The following ARHGEF11 variants were observed in gnomAD, a reference collection of about 807,000 sequenced individuals.
ARHGEF11 encodes Rho guanine exchange factor (GEF) 11.
In ARHGEF11, 55 loss-of-function variants were observed where a neutral mutation model predicts 193.7. The observed-to-expected ratio is 0.28, with a 90% CI of 0.23 to 0.36. The LOEUF is 0.36. ARHGEF11 is among the 10% of genes least tolerant of loss of function. The probability of loss-of-function intolerance (pLI) is 1.00; values close to 1 mark genes in which losing one functional copy is unlikely to be tolerated. For missense variants in ARHGEF11, 1,723 were observed against 2,005.6 expected (o/e 0.86, Z 2.69); for synonymous variants, 693 against 768.0 (o/e 0.90, Z 1.62).
intron 14 of ARHGEF11, 65 bp from the exon 15 acceptor site, chr1:156,960,525 G>T: frequency 6.6e-7 from 1 of 1,523,910 alleles, no homozygotes; most frequent in Non-Finnish European, 9.1e-7. Context: ...TGAGCAGTGT[G>T]CAAGGCGAGG....
chr1:156,937,594 G>C (rs1655749817), intron 38 of ARHGEF11, 98 bp from the exon 39 acceptor site: 1 of 1,330,626 alleles, frequency 7.5e-7, no homozygotes, highest in African/African-American at 1.5e-5. Flanking sequence ...GACAGAGCAG[G>C]CCAGGCAGTC....
chr1:156,950,652 A>T (rs1247648704), intron 22 of ARHGEF11, among the ~76,000 whole-genome samples: 2 of 151,984 alleles, frequency 1.3e-5, no homozygotes, highest in Non-Finnish European at 2.9e-5. Context: ...TAAAAAAGAA[A>T]AAAAAATCCC....
At chr1:156,954,235 C>G (rs1659564480) in intron 21 of ARHGEF11, among the ~76,000 whole-genome samples, 1 of 151,906 alleles carries the variant, frequency 6.6e-6, no homozygotes, top group Admixed American at 6.6e-5. Context: ...CAAAAATTAG[C>G]TGGGTGTAGT....
chr1:156,936,527 A>ATATATATATATATATATAT (rs1655360359), intron 40 of ARHGEF11, among the ~76,000 whole-genome samples: 1 of 100,834 alleles, frequency 9.9e-6, no homozygotes, highest in Non-Finnish European at 2.0e-5. Flanking sequence ...TATATATATA[A>ATATATATATATATATATAT]AATTAAAAAA....
chr1:156,971,709 A>C lies in ARHGEF11; in HGVS notation c.690T>G (p.Thr230=). 1 of 1,613,872 alleles carries C rather than the reference A, an allele frequency of 6.2e-7. No individual in the cohort carries two copies. Residue 230 remains threonine, a synonymous_variant, in exon 8 of 41, where the codon ACT becomes ACG. Coordinates refer to ENST00000368194, the MANE Select transcript of ARHGEF11 (RefSeq NM_198236.3). Reference sequence around the variant, plus strand: ...CTACATCACTCACCACTGAGCCACCAGTCTCCTGCTGGATCTTCAGCTGTA... The same window carrying C: ...CTACATCACTCACCACTGAGCCACCCGTCTCCTGCTGGATCTTCAGCTGTA... The part of the protein sequence containing the change: ...TQLQLKIQQE[T]GGSVDILPLY...
chr1:157,041,446 T>C (rs1195119023), intron 1 of ARHGEF11, among the ~76,000 whole-genome samples: 1 of 152,220 alleles, frequency 6.6e-6, no homozygotes, highest in Non-Finnish European at 1.5e-5. Context: ...AACAGGGTGC[T>C]ACAGGAGATG....
chr1:157,006,109 T>C (rs764107113), intron 1 of ARHGEF11, among the ~76,000 whole-genome samples: 2 of 152,200 alleles, frequency 1.3e-5, no homozygotes, highest in Admixed American at 6.5e-5. Flanking sequence ...CAGTTGACAA[T>C]TGATGGCAGC....
intron 32 of ARHGEF11, 23 bp from the exon 33 acceptor site, chr1:156,942,803 A>T: frequency 1.2e-6 from 2 of 1,607,304 alleles, no homozygotes; most frequent in African/African-American, 1.3e-5. Context: ...AGGAAGGTAG[A>T]AGGGTCTGTA....
chr1:156,988,072 A>T (rs1198852553), intron 1 of ARHGEF11, among the ~76,000 whole-genome samples: 1 of 152,316 alleles, frequency 6.6e-6, no homozygotes, highest in East Asian at 1.9e-4. Flanking sequence ...TCGCCACAGC[A>T]TCTAACAGGA....
intron 37 of ARHGEF11, 84 bp downstream of exon 37, chr1:156,939,464 T>C (rs1349630724): frequency 9.5e-6 from 15 of 1,582,824 alleles, no homozygotes; most frequent in South Asian, 4.5e-5. Context: ...AGGGGGAGTA[T>C]AGGGAAGGAA....
At chr1:157,021,996 C>T (rs558798388) in intron 1 of ARHGEF11, among the ~76,000 whole-genome samples, 37 of 152,260 alleles carry the variant, frequency 2.4e-4, no homozygotes, top group African/African-American at 8.9e-4. Flanking sequence ...AAATCCAACA[C>T]CCTTTTACAA....
At chr1:156,952,247 G>A (rs1465596020) in intron 21 of ARHGEF11, among the ~76,000 whole-genome samples, 3 of 152,136 alleles carry the variant, frequency 2.0e-5, no homozygotes, top group Non-Finnish European at 4.4e-5. Flanking sequence ...TGACCTAGGA[G>A]GAACAGAGGA....
chr1:156,940,086 ATC>A, intron 36 of ARHGEF11, 119 bp downstream of exon 36: 2 of 1,404,738 alleles, frequency 1.4e-6, no homozygotes. Flanking sequence ...CTCCGCATCC[ATC>A]TCTCCTCAAG....
At chr1:157,016,621 G>A (rs979346872) in intron 1 of ARHGEF11, among the ~76,000 whole-genome samples, 14 of 152,142 alleles carry the variant, frequency 9.2e-5, no homozygotes, top group Middle Eastern at 3.4e-3. Flanking sequence ...ATTTTTAAGC[G>A]TTTTCATCTT....
At chr1:156,947,668 C>T in intron 25 of ARHGEF11, 101 bp downstream of exon 25, 2 of 1,473,334 alleles carry the variant, frequency 1.4e-6, no homozygotes, top group Non-Finnish European at 1.8e-6. Flanking sequence ...ACACAGGGGC[C>T]CCCCACCCTA....
intron 1 of ARHGEF11, among the ~76,000 whole-genome samples, chr1:157,029,090 T>C (rs545998198): frequency 1.4e-5 from 2 of 143,222 alleles, no homozygotes; most frequent in South Asian, 4.3e-4. Flanking sequence ...TCACCTGAGC[T>C]GGGGAGGTCA....
At chr1:156,999,282 C>G (rs1262727184) in intron 1 of ARHGEF11, among the ~76,000 whole-genome samples, 1 of 152,104 alleles carries the variant, frequency 6.6e-6, no homozygotes, top group Non-Finnish European at 1.5e-5. Flanking sequence ...ACATAAGTCG[C>G]CCCAGGCCAT....
At chr1:156,937,135 C>G in intron 39 of ARHGEF11, 114 bp downstream of exon 39, 2 of 1,571,354 alleles carry the variant, frequency 1.3e-6, no homozygotes, top group Non-Finnish European at 1.7e-6. Flanking sequence ...GGGGAAGATC[C>G]CTGGGCCAGG....
At position 156,947,421 on chromosome 1, in the gene ARHGEF11, G is replaced by A. The variant is rs755707469; in HGVS notation, c.2371C>T (p.Arg791Cys). 5 of 1,611,358 alleles carry A rather than the reference G, an allele frequency of 3.1e-6. No homozygotes were observed. The highest frequency in any genetic ancestry group is 1.1e-5 in the South Asian group (1 of 90,556). Residue 791 changes from arginine (R) to cysteine (C), a missense_variant, in exon 26 of 41, where the codon CGC becomes TGC. Around this residue, in one of 5 missense-constraint regions of ARHGEF11, gnomAD observed 491 missense variants for 654.5 expected, o/e 0.75. Transcript: ENST00000368194. The stretch of plus-strand genomic sequence containing the variant: ...ATCAGGTCCAGGACCCGGAGTGTGC[G>A]CAGGTGGGAAGCTTCAGTCACAAAC... Reference protein sequence around the residue: ...ELFVTEASHLRTLRVLDLIFY... With the variant: ...ELFVTEASHLCTLRVLDLIFY...
Sources: gnomAD v4.1 joint callset for allele counts (sites outside exome capture counted in the v4.1 genomes callset) on GRCh38, gnomAD v4.1.1 for gene constraint, gnomAD v4.1.1 regional missense constraint, MANE v1.5 for transcripts, NCBI Gene and HGNC (gene_info 2026-07-23, HGNC 2026-07-21) for gene names.